Variants in IL2 observed in about 807,000 individuals in gnomAD.
The protein encoded by IL2 is interleukin-2.
In IL2, 3 loss-of-function variants were observed where a neutral mutation model predicts 14.6. That is an observed-to-expected ratio of 0.21 (90% CI 0.09 to 0.53). IL2 has a LOEUF of 0.53. Ranked by LOEUF, IL2 falls within the 20% of genes least tolerant of loss-of-function variation. The pLI, the probability that IL2 is intolerant of heterozygous loss-of-function variation, is 0.95. For synonymous variants in IL2, 71 were observed against 60.0 expected (o/e 1.18, Z -0.85); for missense variants, 125 against 170.8 (o/e 0.73, Z 1.50).
In IL2 at chr4:122,452,392, T is replaced by G. The variant is rs572148915; in HGVS notation, c.352-530A>C. Among the ~76,000 whole-genome samples, 5 of 152,150 alleles carry G rather than the reference T, an allele frequency of 3.3e-5. No individual in the cohort carries two copies. The South Asian group carries it at 1.0e-3, about 32-fold the overall frequency. On this transcript the variant is annotated intron_variant, in intron 3 of 3. Coordinates refer to ENST00000226730, the MANE Select transcript of IL2 (RefSeq NM_000586.4). Reference sequence around the variant, plus strand: ...GGACATGCTTCTGTTTGGGATAAATTTGTGTGAAGAACATCTTCATAAATA... The same window carrying G: ...GGACATGCTTCTGTTTGGGATAAATGTGTGTGAAGAACATCTTCATAAATA...
intron 2 of IL2, among the ~76,000 whole-genome samples, chr4:122,455,368 T>C (rs1797719306): frequency 6.6e-6 from 1 of 151,874 alleles, no homozygotes; most frequent in South Asian, 2.1e-4. Flanking sequence ...AACAACCTAA[T>C]GAAGCTTTTA....
At chr4:122,454,700 A>T (rs1797712553) in intron 2 of IL2, among the ~76,000 whole-genome samples, 1 of 151,842 alleles carries the variant, frequency 6.6e-6, no homozygotes, top group African/African-American at 2.4e-5. Context: ...TTTCTTTCTC[A>T]TTATAGCATT....
intron 3 of IL2, among the ~76,000 whole-genome samples, chr4:122,452,325 T>C (rs558921009): frequency 2.6e-5 from 4 of 152,240 alleles, no homozygotes; most frequent in African/African-American, 7.2e-5. Context: ...AATCTCCTTA[T>C]ATTTTCCCCA....
chr4:122,456,197 T>C lies in IL2; in HGVS notation c.154A>G (p.Lys52Glu). Residue 52 changes from lysine (K) to glutamate (E), a missense_variant, in exon 2 of 4, where the codon AAG becomes GAG. Transcript: ENST00000226730. ...QMILNGINNY[K>E]NPKLTRMLTF... ...AGCATCCTGGTGAGTTTGGGATTCT[T>C]GTAATTCTAAGAAAGTATAATGCAT... The C allele has an allele frequency of 6.2e-7, 1 of 1,609,218 alleles. No homozygotes were observed.
At chr4:122,455,422 A>G (rs2069767) in intron 2 of IL2, among the ~76,000 whole-genome samples, 1 of 151,922 alleles carries the variant, frequency 6.6e-6, no homozygotes, top group Non-Finnish European at 1.5e-5. Flanking sequence ...CTCAAGTTCT[A>G]TTGGTAAAAA....
intron 3 of IL2, among the ~76,000 whole-genome samples, 157 bp downstream of exon 3, chr4:122,453,553 G>C (rs559035009): frequency 9.9e-5 from 15 of 151,840 alleles, no homozygotes; most frequent in African/African-American, 3.4e-4. Flanking sequence ...TTTAACATTA[G>C]AAATGATTCA....
At chr4:122,452,856 A>G (rs911407040) in intron 3 of IL2, among the ~76,000 whole-genome samples, 1 of 151,984 alleles carries the variant, frequency 6.6e-6, no homozygotes, top group African/African-American at 2.4e-5. Context: ...AGAGTTAAGA[A>G]TGAGTTTTCT....
intron 2 of IL2, among the ~76,000 whole-genome samples, chr4:122,454,580 C>G (rs1012451568): frequency 1.3e-5 from 2 of 151,696 alleles, no homozygotes; most frequent in Non-Finnish European, 2.9e-5. Context: ...ATTTACTTCT[C>G]ACAGTCATCT....
At chr4:122,454,339 T>C (rs1455923839) in intron 2 of IL2, among the ~76,000 whole-genome samples, 2 of 151,890 alleles carry the variant, frequency 1.3e-5, no homozygotes, top group Non-Finnish European at 2.9e-5. Flanking sequence ...CATGTAGTAG[T>C]GGCTCTCAAT....
At chr4:122,456,113 A>G (rs747888278) in intron 2 of IL2, 31 bp downstream of exon 2, 3 of 1,491,454 alleles carry the variant, frequency 2.0e-6, no homozygotes, top group South Asian at 1.1e-5. Context: ...TTTTATTAAA[A>G]CAGAAATTGA....
At chr4:122,454,810 A>G (rs1051103985) in intron 2 of IL2, among the ~76,000 whole-genome samples, 8 of 151,832 alleles carry the variant, frequency 5.3e-5, no homozygotes, top group African/African-American at 1.9e-4. Context: ...GTTTATCATT[A>G]CTTTTGGTTT....
At chr4:122,452,001 A>T (rs1179714780) in intron 3 of IL2, 139 bp from the exon 4 acceptor site, 3 of 383,914 alleles carry the variant, frequency 7.8e-6, no homozygotes, top group Non-Finnish European at 1.4e-5. Context: ...TTTTCTTGAA[A>T]TGATCAAAAT....
At chr4:122,456,015 G>T (rs924923385) in intron 2 of IL2, 129 bp downstream of exon 2, 2 of 628,514 alleles carry the variant, frequency 3.2e-6, no homozygotes, top group Non-Finnish European at 5.6e-6. Flanking sequence ...ATCAAACTTG[G>T]GTTTTCAAAA....
At position 122,451,473 on chromosome 4, in the gene IL2, A is replaced by G. The variant is rs1797676039; in HGVS notation, c.*279T>C. On this transcript the variant is annotated 3_prime_UTR_variant, in exon 4 of 4. Coordinates refer to ENST00000226730, the MANE Select transcript of IL2 (RefSeq NM_000586.4). ...AAATAACAAATATCCAGGCTTGTTTATATTTATCAAATTTATTAAATAGTT... is the reference window on the plus strand; with the variant it reads ...AAATAACAAATATCCAGGCTTGTTTGTATTTATCAAATTTATTAAATAGTT... 1.1e-5 allele frequency: 2 copies of G among 187,640 alleles called. No homozygotes were observed. Among genetic ancestry groups the G allele is most frequent in the Admixed American group, 1.2e-4 (2 of 16,438 alleles). 11.6% of individuals were successfully genotyped at this position (187,640 alleles called of 1,614,324 possible).
chr4:122,453,966 C>T (rs909488905), intron 2 of IL2, 113 bp from the exon 3 acceptor site: 3 of 891,496 alleles, frequency 3.4e-6, no homozygotes, highest in South Asian at 1.9e-5. Flanking sequence ...TCTCTCTGTT[C>T]TCAATGTCAC....
Position 122,453,850 on chromosome 4 carries a change from T to C in IL2, c.211A>G (p.Thr71Ala). The change falls in exon 3 of 4, where the codon ACA becomes GCA. Residue 71 changes from threonine (T) to alanine (A), a missense_variant. Physicochemically the swap from Thr to Ala is moderately conservative, Grantham distance 58. Transcript: ENST00000226730. ...AGACACTGAAGATGTTTCAGTTCTGTGGCCTAGAATAATAATTATCATCAG... is the reference window on the plus strand; with the variant it reads ...AGACACTGAAGATGTTTCAGTTCTGCGGCCTAGAATAATAATTATCATCAG... ...TFKFYMPKKA[T>A]ELKHLQCLEE... 6.2e-7 allele frequency: 1 copy of C among 1,603,220 alleles called. No individual in the cohort carries two copies. Among genetic ancestry groups the C allele is most frequent in the Non-Finnish European group, 8.5e-7 (1 of 1,175,816 alleles).
intron 2 of IL2, among the ~76,000 whole-genome samples, chr4:122,455,649 C>T (rs551020100): frequency 1.4e-4 from 21 of 151,844 alleles, no homozygotes; most frequent in African/African-American, 5.1e-4. Context: ...GGTAATTTGC[C>T]AAAGATCATG....
At chr4:122,454,767 G>A (rs921215047) in intron 2 of IL2, among the ~76,000 whole-genome samples, 1 of 151,792 alleles carries the variant, frequency 6.6e-6, no homozygotes, top group Non-Finnish European at 1.5e-5. Context: ...TTTTGTAAAT[G>A]TGCAATGAGG....
rs1797731722 is a variant in IL2 at position 122,456,524 on chromosome 4, TA to T, written c.-85del. On this transcript the variant is annotated 5_prime_UTR_variant, in exon 1 of 4. Coordinates refer to ENST00000226730, the MANE Select transcript of IL2 (RefSeq NM_000586.4). ...GAACAAGAGATGCAATTTATACTGT[TA>T]ATTCTGGAAAAATATTATGGGGGTG... 2 of 1,058,380 alleles carry T rather than the reference TA, an allele frequency of 1.9e-6. No homozygotes were observed. The highest frequency in any genetic ancestry group is 2.4e-5 in the East Asian group (1 of 41,082). 65.6% of individuals were successfully genotyped at this position (1,058,380 alleles called of 1,614,324 possible).
Sources: gnomAD v4.1 joint callset for allele counts (sites outside exome capture counted in the v4.1 genomes callset) on GRCh38, gnomAD v4.1.1 for gene constraint, MANE v1.5 for transcripts, NCBI Gene and HGNC (gene_info 2026-07-23, HGNC 2026-07-21) for gene names.